The following CCDC90B variants were observed in gnomAD, a reference collection of about 807,000 sequenced individuals.
CCDC90B encodes coiled-coil domain containing 90B, also known as coiled-coil domain-containing protein 90B, mitochondrial.
Under a neutral mutation model 37.0 loss-of-function variants are expected in CCDC90B, and 24 were observed. The observed-to-expected ratio is 0.65, with a 90% CI of 0.47 to 0.91. The LOEUF is 0.91. Ranked by LOEUF, CCDC90B falls within the 40% of genes least tolerant of loss-of-function variation. CCDC90B has a pLI of 0.00. For missense variants in CCDC90B, 319 were observed against 299.0 expected (o/e 1.07, Z -0.49); for synonymous variants, 113 against 101.1 (o/e 1.12, Z -0.71).
chr11:83,260,677 AT>A lies in CCDC90B; in HGVS notation c.*1233del, dbSNP rs1863888407. 6.6e-6 allele frequency: 1 copy of A among 152,232 alleles called. No individual in the cohort carries two copies. The highest frequency in any genetic ancestry group is 1.5e-5 in the Non-Finnish European group (1 of 68,030). 9.4% of individuals were successfully genotyped at this position (152,232 alleles called of 1,614,324 possible). A position where few individuals can be genotyped will look rare whatever the true frequency, so the allele number is the denominator to read the frequency against. On this transcript the variant is annotated 3_prime_UTR_variant, in exon 9 of 9. Coordinates refer to ENST00000529689, the MANE Select transcript of CCDC90B (RefSeq NM_021825.5). ...AAACTTTTATAGCTATTACCAAGGC[AT>A]TATGAACTCAAAATGTTTACTTTCT...
Position 83,280,182 on chromosome 11 carries a change from G to C in CCDC90B, c.179C>G (p.Thr60Ser). The C allele has an allele frequency of 6.2e-7, 1 of 1,613,058 alleles. No homozygotes were observed. Among genetic ancestry groups the C allele is most frequent in the Non-Finnish European group, 8.5e-7 (1 of 1,179,824 alleles). The stretch of plus-strand genomic sequence containing the variant: ...CTGAACCAATGCATGGGTATCAAAA[G>C]TTAATTTCCTTTGTTCTAAAGGAGT... ...DITPLEQRKLTFDTHALVQDL... is the reference protein window; with the variant it reads ...DITPLEQRKLSFDTHALVQDL... Residue 60 changes from threonine (T) to serine (S), a missense_variant, in exon 2 of 9, where the codon ACT becomes AGT. By Grantham distance (58) the Thr-to-Ser change is moderately conservative. Coordinates refer to ENST00000529689, the MANE Select transcript of CCDC90B (RefSeq NM_021825.5).
intron 1 of CCDC90B, among the ~76,000 whole-genome samples, chr11:83,283,025 C>G (rs527576913): frequency 4.9e-4 from 75 of 152,152 alleles, no homozygotes; most frequent in African/African-American, 1.8e-3. Context: ...TTGTGACTGA[C>G]CTTACAGCCT....
Position 83,273,811 on chromosome 11 carries a change from CCTTT to C in CCDC90B, c.518_521del (p.Glu173GlyfsTer4), listed in dbSNP as rs769845880. On this transcript the variant is annotated frameshift_variant, in exon 6 of 9. Coordinates refer to ENST00000529689, the MANE Select transcript of CCDC90B (RefSeq NM_021825.5). LOFTEE classifies it high-confidence loss of function. ...ACATTACCATATCTGTTACTCTGCTCCTTTCTAAGTTGATATCCAGTTTATTATC... is the reference window on the plus strand; with the variant it reads ...ACATTACCATATCTGTTACTCTGCTCCTAAGTTGATATCCAGTTTATTATC... 3.7e-5 allele frequency: 59 copies of C among 1,609,716 alleles called. No homozygotes were observed. The East Asian group carries it at 5.1e-4, about 14-fold the overall frequency.
At chr11:83,271,593 G>A (rs1427431789) in intron 7 of CCDC90B, among the ~76,000 whole-genome samples, 4 of 152,022 alleles carry the variant, frequency 2.6e-5, no homozygotes, top group Non-Finnish European at 5.9e-5. Context: ...TGGAATGGCA[G>A]TCATTAAAAA....
intron 4 of CCDC90B, 71 bp downstream of exon 4, chr11:83,274,563 ATTAAC>A: frequency 1.2e-6 from 1 of 805,386 alleles, no homozygotes; most frequent in Non-Finnish European, 2.0e-6. Context: ...ACTTGGTCTT[ATTAAC>A]TTATTCCTTA....
At chr11:83,274,169 C>A (rs1864878391) in intron 4 of CCDC90B, 177 bp from the exon 5 acceptor site, 2 of 419,026 alleles carry the variant, frequency 4.8e-6, no homozygotes, top group South Asian at 1.1e-4. Context: ...GAAAATAATT[C>A]TTATGAGCAA....
At chr11:83,274,434 CTT>C (rs1002454838) in intron 4 of CCDC90B, 33 of 357,672 alleles carry the variant, frequency 9.2e-5, no homozygotes, top group African/African-American at 6.7e-4. Context: ...AAATGTAACT[CTT>C]ATTCTCTTCA....
At chr11:83,275,123 T>C (rs1430973617) in intron 3 of CCDC90B, among the ~76,000 whole-genome samples, 1 of 152,160 alleles carries the variant, frequency 6.6e-6, no homozygotes, top group African/African-American at 2.4e-5. Flanking sequence ...GAAAATTCCA[T>C]GGTATTGGAT....
chr11:83,275,011 A>G (rs1163762441), intron 3 of CCDC90B, among the ~76,000 whole-genome samples: 2 of 152,156 alleles, frequency 1.3e-5, no homozygotes, highest in Non-Finnish European at 1.5e-5. Flanking sequence ...AGACCCTAAG[A>G]GTTCCTCAAA....
chr11:83,285,338 T>C, intron 1 of CCDC90B: 1 of 1,186,630 alleles, frequency 8.4e-7, no homozygotes, highest in Non-Finnish European at 1.1e-6. Context: ...TGCCAACAGG[T>C]TGGAAACTTG....
chr11:83,273,728 A>T, intron 6 of CCDC90B, 28 bp from the exon 7 acceptor site: 1 of 1,447,912 alleles, frequency 6.9e-7, no homozygotes, highest in Non-Finnish European at 9.4e-7. Context: ...GCAGGAAGTT[A>T]AAAAAAAAGT....
intron 1 of CCDC90B, chr11:83,285,168 G>A (rs1174047219): frequency 8.6e-6 from 11 of 1,283,918 alleles, no homozygotes; most frequent in Middle Eastern, 4.3e-4. Context: ...GATAAGAGGT[G>A]CCTATTCGCC....
chr11:83,279,237 C>T (rs980411125), intron 2 of CCDC90B, among the ~76,000 whole-genome samples: 5 of 151,740 alleles, frequency 3.3e-5, no homozygotes, highest in Non-Finnish European at 5.9e-5. Flanking sequence ...GCCGAGATCG[C>T]GCCACTTTAC....
At chr11:83,282,716 A>C (rs1284547768) in intron 1 of CCDC90B, among the ~76,000 whole-genome samples, 1 of 152,200 alleles carries the variant, frequency 6.6e-6, no homozygotes, top group African/African-American at 2.4e-5. Context: ...TTCAGAGCTC[A>C]GTCTGAATGT....
Position 83,285,126 on chromosome 11 carries a change from C to G in CCDC90B, c.100+747G>C. On this transcript the variant is annotated intron_variant, in intron 1 of 8. Transcript: ENST00000529689. ...TTTGGGTACCGAATGGCTCAGCGTA[C>G]CTGGCACTGAAGATTCAAGAAGGTG... 4.0e-6 allele frequency: 5 copies of G among 1,255,090 alleles called. 1 individual carries two copies. The South Asian group carries it at 6.7e-5, about 17-fold the overall frequency. 77.7% of individuals were successfully genotyped at this position (1,255,090 alleles called of 1,614,324 possible).
intron 3 of CCDC90B, among the ~76,000 whole-genome samples, chr11:83,276,006 C>T (rs1006132726): frequency 1.3e-5 from 2 of 152,148 alleles, no homozygotes; most frequent in African/African-American, 4.8e-5. Context: ...TAGTCTAATG[C>T]TAATGTATTA....
chr11:83,283,586 A>C (rs974432819), intron 1 of CCDC90B, among the ~76,000 whole-genome samples: 1 of 152,300 alleles, frequency 6.6e-6, no homozygotes, highest in Non-Finnish European at 1.5e-5. Context: ...AACTGGAAAA[A>C]CCATTGGATA....
At chr11:83,280,019 T>C (rs1230605553) in intron 2 of CCDC90B, 122 bp downstream of exon 2, 5 of 908,626 alleles carry the variant, frequency 5.5e-6, no homozygotes. Flanking sequence ...ATAAAATATT[T>C]CATTGTATGG....
intron 1 of CCDC90B, among the ~76,000 whole-genome samples, chr11:83,281,339 T>A (rs1039586517): frequency 1.3e-5 from 2 of 152,230 alleles, no homozygotes; most frequent in African/African-American, 2.4e-5. Context: ...GTGCCAGGCA[T>A]AGGGGATAAA....
Sources: allele counts gnomAD v4.1 joint callset (sites outside exome capture counted in the v4.1 genomes callset), GRCh38; gene constraint gnomAD v4.1.1; transcripts MANE v1.5; gene names NCBI Gene and HGNC (gene_info 2026-07-23, HGNC 2026-07-21).